The following PAX2 variants were observed in gnomAD, a reference collection of about 807,000 sequenced individuals.
PAX2 encodes paired box protein Pax-2.
PAX2 carries 9 observed loss-of-function variants against 41.7 expected under a neutral mutation model. The ratio of observed to expected loss-of-function variants is 0.22; its 90% CI spans 0.13 to 0.38. The LOEUF is 0.38. PAX2 is among the 10% of genes least tolerant of loss of function. The pLI is 1.00. For missense variants in PAX2, 418 were observed against 531.6 expected (o/e 0.79, Z 2.10); for synonymous variants, 221 against 212.7 (o/e 1.04, Z -0.34).
rs1848602862 is a variant in PAX2, at chr10:100,827,172, C to T, written c.1108+77C>T. ...GGGCACGGTCCCACTCCCGGCGACC[C>T]GACCTCTGGGGACCCGGCCGGGCCA... On this transcript the variant is annotated intron_variant, in intron 9 of 9. Coordinates refer to ENST00000355243, the MANE Select transcript of PAX2 (RefSeq NM_000278.5). The surrounding 1 kb of genome is among the most constrained non-coding windows in gnomAD (Gnocchi z 8.5). 1 of 1,230,744 alleles carries T rather than the reference C, an allele frequency of 8.1e-7. No homozygotes were observed. Among genetic ancestry groups the T allele is most frequent in the African/African-American group, 1.5e-5 (1 of 67,028 alleles). 76.2% of individuals were successfully genotyped at this position (1,230,744 alleles called of 1,614,324 possible).
At chr10:100,738,416 C>G (rs1844844667) in intron 1 of PAX2, among the ~76,000 whole-genome samples, 1 of 152,152 alleles carries the variant, frequency 6.6e-6, no homozygotes. Context: ...ATATGGGTCC[C>G]CAGCTCCCAT....
In PAX2 at chr10:100,785,693, G is replaced by A. The variant is rs184208562; in HGVS notation, c.616+4328G>A. Among the ~76,000 whole-genome samples, 352 of 152,312 alleles carry A rather than the reference G, an allele frequency of 2.3e-3. 6 individuals carry two copies. Among genetic ancestry groups the A allele is most frequent in the Admixed American group, 0.018 (282 of 15,308 alleles). Reference sequence around the variant, plus strand: ...GGGGATTAAGCCGTGGAAATGAGAAGCACCTGCCCTTGTCTACGAGCCTGG... The same window carrying A: ...GGGGATTAAGCCGTGGAAATGAGAAACACCTGCCCTTGTCTACGAGCCTGG... On this transcript the variant is annotated intron_variant, in intron 5 of 9. Coordinates refer to ENST00000355243, the MANE Select transcript of PAX2 (RefSeq NM_000278.5).
intron 6 of PAX2, 89 bp downstream of exon 6, chr10:100,806,694 T>A: frequency 1.9e-6 from 2 of 1,066,946 alleles, no homozygotes; most frequent in East Asian, 2.4e-5. Flanking sequence ...ACCACATGCA[T>A]AGCCAGCATT....
At chr10:100,804,974 T>C (rs1289412568) in intron 5 of PAX2, among the ~76,000 whole-genome samples, 1 of 151,136 alleles carries the variant, frequency 6.6e-6, no homozygotes, top group East Asian at 2.0e-4. Context: ...TTTCTCTCTC[T>C]CCTTCTCTCT....
chr10:100,805,238 T>C (rs1847733178), intron 5 of PAX2, among the ~76,000 whole-genome samples: 1 of 152,206 alleles, frequency 6.6e-6, no homozygotes, highest in East Asian at 1.9e-4. Context: ...TGAATGATAC[T>C]GTATGGTGTT....
At chr10:100,801,578 A>G (rs1847565834) in intron 5 of PAX2, among the ~76,000 whole-genome samples, 1 of 152,238 alleles carries the variant, frequency 6.6e-6, no homozygotes, top group African/African-American at 2.4e-5. Flanking sequence ...ACCTTGGAAA[A>G]GTCACTGCCC....
upstream of PAX2, among the ~76,000 whole-genome samples, chr10:100,742,482 C>T (rs1183551121): frequency 6.6e-6 from 1 of 152,048 alleles, no homozygotes; most frequent in African/African-American, 2.4e-5. Context: ...GGCGCCTGGG[C>T]AAGCCTGGCA....
Position 100,807,840 on chromosome 10 carries a change from G to C in PAX2, c.792+1235G>C, listed in dbSNP as rs532064156. ...TCAGTGCAGCCCCACAGCGTTGAACGCTGTAGTTCCACTCTTAAGACTCCA... is the reference window on the plus strand; with the variant it reads ...TCAGTGCAGCCCCACAGCGTTGAACCCTGTAGTTCCACTCTTAAGACTCCA... On this transcript the variant is annotated intron_variant, in intron 6 of 9. Coordinates refer to ENST00000355243, the MANE Select transcript of PAX2 (RefSeq NM_000278.5). Among the ~76,000 whole-genome samples the C allele has an allele frequency of 5.9e-5, 9 of 152,350 alleles. No homozygotes were observed. In the South Asian group the frequency reaches 1.9e-3, roughly 32 times the overall value.
At chr10:100,815,310 T>C (rs1589893414) in intron 7 of PAX2, among the ~76,000 whole-genome samples, 1 of 152,276 alleles carries the variant, frequency 6.6e-6, no homozygotes, top group East Asian at 1.9e-4. Flanking sequence ...TCAAAGCCCC[T>C]GATTAGCTAG....
chr10:100,760,804 T>A (rs765063214), intron 3 of PAX2, among the ~76,000 whole-genome samples: 2 of 152,164 alleles, frequency 1.3e-5, no homozygotes, highest in African/African-American at 4.8e-5. Context: ...CAGAAGACTC[T>A]AATTAAAGAG....
At chr10:100,787,891 G>A (rs1846935781) in intron 5 of PAX2, among the ~76,000 whole-genome samples, 1 of 151,944 alleles carries the variant, frequency 6.6e-6, no homozygotes, top group African/African-American at 2.4e-5. Flanking sequence ...GCATACCTCT[G>A]TTGTGTTGTT....
chr10:100,737,284 T>C (rs778215995), intron 1 of PAX2, among the ~76,000 whole-genome samples: 6 of 152,088 alleles, frequency 3.9e-5, no homozygotes, highest in Non-Finnish European at 7.4e-5. Context: ...ATGGGGAGCA[T>C]CCTTGAGTGC....
intron 5 of PAX2, among the ~76,000 whole-genome samples, chr10:100,789,432 T>C (rs1467694821): frequency 2.0e-5 from 3 of 152,206 alleles, no homozygotes; most frequent in Non-Finnish European, 2.9e-5. Flanking sequence ...TAAGGAGAGG[T>C]GCTCTGTGGA....
chr10:100,781,136 C>A (rs1846604074), intron 4 of PAX2, 110 bp from the exon 5 acceptor site: 3 of 1,077,940 alleles, frequency 2.8e-6, no homozygotes, highest in Admixed American at 1.7e-5. Flanking sequence ...GGCTCCTCAT[C>A]CCTCCTTATG....
intron 5 of PAX2, among the ~76,000 whole-genome samples, chr10:100,783,710 A>G (rs1271982265): frequency 1.5e-5 from 2 of 129,224 alleles, no homozygotes; most frequent in East Asian, 2.4e-4. Context: ...GCAGGAAGGG[A>G]CAGGAGCAGG....
intron 3 of PAX2, among the ~76,000 whole-genome samples, chr10:100,779,267 G>A (rs998701671): frequency 1.3e-5 from 2 of 152,206 alleles, no homozygotes; most frequent in African/African-American, 4.8e-5. Flanking sequence ...GCACATAGCA[G>A]GACATAAGGC....
In PAX2 at chr10:100,788,705, G is replaced by A. The variant is rs542556199; in HGVS notation, c.616+7340G>A. Among the ~76,000 whole-genome samples, 5 of 152,312 alleles carry A rather than the reference G, an allele frequency of 3.3e-5. No individual in the cohort carries two copies. The South Asian group carries it at 1.0e-3, about 32-fold the overall frequency. On this transcript the variant is annotated intron_variant, in intron 5 of 9. Coordinates refer to ENST00000355243, the MANE Select transcript of PAX2 (RefSeq NM_000278.5). Reference sequence around the variant, plus strand: ...GAAGAGCTTGGAGAAGTTTTGCTGAGTACACACTATTTTAGTGGGATGGGA... The same window carrying A: ...GAAGAGCTTGGAGAAGTTTTGCTGAATACACACTATTTTAGTGGGATGGGA...
chr10:100,741,652 G>A (rs1350435047), upstream of PAX2, among the ~76,000 whole-genome samples: 1 of 152,170 alleles, frequency 6.6e-6, no homozygotes, highest in Non-Finnish European at 1.5e-5. Flanking sequence ...CTGGAGTTCG[G>A]TTGTCAGAAG....
intron 3 of PAX2, among the ~76,000 whole-genome samples, chr10:100,767,638 A>C (rs1846072614): frequency 6.6e-6 from 1 of 152,130 alleles, no homozygotes; most frequent in African/African-American, 2.4e-5. Flanking sequence ...TCTGCAAGCA[A>C]TTTTAATATT....
Sources: gnomAD v4.1 joint callset for allele counts (sites outside exome capture counted in the v4.1 genomes callset) on GRCh38, gnomAD v4.1.1 for gene constraint, Gnocchi (gnomAD v3.1) non-coding constraint, MANE v1.5 for transcripts, NCBI Gene and HGNC (gene_info 2026-07-23, HGNC 2026-07-21) for gene names.